The following TRAPPC8 variants were observed in gnomAD, a reference collection of about 807,000 sequenced individuals.
TRAPPC8 encodes trafficking protein particle complex subunit 8, also known as general sporulation gene 1 homolog.
Under a neutral mutation model 174.3 loss-of-function variants are expected in TRAPPC8, and 54 were observed. That is an observed-to-expected ratio of 0.31 (90% CI 0.25 to 0.39). The LOEUF is 0.39. Ranked by LOEUF, TRAPPC8 falls within the 10% of genes least tolerant of loss-of-function variation. The probability of loss-of-function intolerance (pLI) is 1.00; values close to 1 mark genes in which losing one functional copy is unlikely to be tolerated. For missense variants in TRAPPC8, 1,531 were observed against 1,699.1 expected (o/e 0.90, Z 1.74); for synonymous variants, 630 against 579.9 (o/e 1.09, Z -1.24).
chr18:31,908,570 T>C lies in TRAPPC8; in HGVS notation c.1123-152A>G, dbSNP rs554305923. On this transcript the variant is annotated intron_variant, in intron 7 of 28. Coordinates refer to ENST00000283351, the MANE Select transcript of TRAPPC8 (RefSeq NM_014939.5). ...TGTCCAATATGCTGGCAAAATCCTA[T>C]TGAAAATGAATAAGCCTCTTCTAGA... 9.7e-5 allele frequency: 86 copies of C among 886,002 alleles called. 1 individual carries two copies. The highest frequency in any genetic ancestry group is 7.9e-4 in the African/African-American group (46 of 58,404). 54.9% of individuals were successfully genotyped at this position (886,002 alleles called of 1,614,324 possible).
intron 14 of TRAPPC8, 79 bp downstream of exon 14, chr18:31,873,351 C>G (rs568093894): frequency 1.7e-6 from 2 of 1,195,022 alleles, no homozygotes; most frequent in Admixed American, 4.5e-5. Context: ...AACTATACAT[C>G]GTTTTTTAAA....
chr18:31,934,796 G>A (rs937111809), intron 1 of TRAPPC8, among the ~76,000 whole-genome samples: 10 of 151,102 alleles, frequency 6.6e-5, no homozygotes, highest in Non-Finnish European at 1.3e-4. Flanking sequence ...GAACCCGGGA[G>A]GCAGAGGTTG....
At chr18:31,903,143 T>TG (rs1162220315) in intron 9 of TRAPPC8, among the ~76,000 whole-genome samples, 1 of 151,206 alleles carries the variant, frequency 6.6e-6, no homozygotes, top group East Asian at 1.9e-4. Context: ...TGTGTGTGTG[T>TG]TTTCCCTGTG....
chr18:31,883,118 G>A (rs1211320410), intron 12 of TRAPPC8, among the ~76,000 whole-genome samples: 1 of 151,008 alleles, frequency 6.6e-6, no homozygotes, highest in East Asian at 2.0e-4. Flanking sequence ...AGCTAACTGG[G>A]AGGCTGAGGC....
intron 15 of TRAPPC8, 124 bp from the exon 16 acceptor site, chr18:31,870,626 C>T: frequency 1.9e-6 from 2 of 1,056,198 alleles, no homozygotes; most frequent in South Asian, 3.4e-5. Context: ...CCTTTATTAC[C>T]TTATAAATGT....
intron 16 of TRAPPC8, chr18:31,870,105 AT>A (rs1164672626): frequency 1.5e-5 from 3 of 193,574 alleles, no homozygotes; most frequent in East Asian, 1.2e-4. Context: ...AAAAAAAAAA[AT>A]AAAAACAAAA....
chr18:31,868,487 A>T (rs1001461912), intron 16 of TRAPPC8, among the ~76,000 whole-genome samples: 4 of 152,206 alleles, frequency 2.6e-5, no homozygotes, highest in Non-Finnish European at 4.4e-5. Flanking sequence ...AAATCTTTTT[A>T]AAAAACGTTT....
chr18:31,853,143 G>T (rs943586469), intron 22 of TRAPPC8, among the ~76,000 whole-genome samples: 1 of 152,108 alleles, frequency 6.6e-6, no homozygotes, highest in East Asian at 1.9e-4. Context: ...ATATAAACAT[G>T]ACAATTCACA....
At chr18:31,889,554 C>T (rs1451011788) in intron 12 of TRAPPC8, among the ~76,000 whole-genome samples, 1 of 152,106 alleles carries the variant, frequency 6.6e-6, no homozygotes, top group East Asian at 1.9e-4. Context: ...TACACAGTGG[C>T]GTAACATGTT....
chr18:31,893,361 C>G (rs544224607), intron 11 of TRAPPC8, among the ~76,000 whole-genome samples: 10 of 151,444 alleles, frequency 6.6e-5, no homozygotes, highest in Non-Finnish European at 1.5e-4. Context: ...AAAAAGTGCT[C>G]TCCTAGTATT....
chr18:31,867,590 TGG>T, intron 16 of TRAPPC8, 114 bp from the exon 17 acceptor site: 6 of 666,180 alleles, frequency 9.0e-6, no homozygotes, highest in South Asian at 2.6e-5. Flanking sequence ...TGCATTTACT[TGG>T]TTTTTACCAC....
chr18:31,832,904 G>A (rs1203693170), intron 27 of TRAPPC8, among the ~76,000 whole-genome samples: 2 of 152,134 alleles, frequency 1.3e-5, no homozygotes, highest in Non-Finnish European at 2.9e-5. Flanking sequence ...AGAAAAAATA[G>A]TAACCGTATA....
chr18:31,836,270 ATCCTTGAACCT>A (rs2032714116), intron 27 of TRAPPC8, among the ~76,000 whole-genome samples: 1 of 152,220 alleles, frequency 6.6e-6, no homozygotes, highest in Non-Finnish European at 1.5e-5. Flanking sequence ...GCCACATTTT[ATCCTTGAACCT>A]GCCTTGTTTT....
At chr18:31,854,964 T>G (rs1340820575) in intron 21 of TRAPPC8, among the ~76,000 whole-genome samples, 1 of 30,952 alleles carries the variant, frequency 3.2e-5, no homozygotes, top group African/African-American at 2.7e-4. Flanking sequence ...AGACTCCATC[T>G]CAAAAAAAAA....
At position 31,890,722 on chromosome 18, in the gene TRAPPC8, C is replaced by T; in HGVS notation, c.1728+13G>A. The stretch of plus-strand genomic sequence containing the variant: ...TAAATAGCAACTTTTCATTGTAAAG[C>T]AAATGCACTCACCTGCCCTGCTTTA... On this transcript the variant is annotated intron_variant, in intron 12 of 28. Coordinates refer to ENST00000283351, the MANE Select transcript of TRAPPC8 (RefSeq NM_014939.5). 1 of 1,598,988 alleles carries T rather than the reference C, an allele frequency of 6.3e-7. No homozygotes were observed. Among genetic ancestry groups the T allele is most frequent in the Non-Finnish European group, 8.5e-7 (1 of 1,174,168 alleles).
intron 1 of TRAPPC8, among the ~76,000 whole-genome samples, chr18:31,936,479 C>T (rs2038103233): frequency 2.6e-5 from 4 of 152,018 alleles, no homozygotes. Context: ...ATTAATAAAA[C>T]AAAATGAAAA....
chr18:31,882,842 C>T (rs998575291), intron 12 of TRAPPC8, among the ~76,000 whole-genome samples: 6 of 145,802 alleles, frequency 4.1e-5, no homozygotes, highest in African/African-American at 1.5e-4. Context: ...GTCTCGAACT[C>T]CTGAACTCGT....
intron 10 of TRAPPC8, among the ~76,000 whole-genome samples, chr18:31,899,295 G>A (rs187616966): frequency 1.1e-3 from 161 of 152,210 alleles, no homozygotes; most frequent in African/African-American, 3.4e-3. Flanking sequence ...TGTAAAATGA[G>A]GATAACAATA....
At chr18:31,849,011 A>G (rs1254259225) in intron 25 of TRAPPC8, among the ~76,000 whole-genome samples, 1 of 152,136 alleles carries the variant, frequency 6.6e-6, no homozygotes. Context: ...CAGACCATCA[A>G]TTAGATAATT....
Sources: gnomAD v4.1 joint callset for allele counts (sites outside exome capture counted in the v4.1 genomes callset) on GRCh38, gnomAD v4.1.1 for gene constraint, MANE v1.5 for transcripts, NCBI Gene and HGNC (gene_info 2026-07-23, HGNC 2026-07-21) for gene names.